LDLRAD3: variants seen among roughly 807,000 people sequenced by gnomAD.
LDLRAD3 encodes the protein low density lipoprotein receptor class A domain containing 3.
LDLRAD3 carries 20 observed loss-of-function variants against 29.4 expected under a neutral mutation model. The ratio of observed to expected loss-of-function variants is 0.68; its 90% CI spans 0.48 to 0.99. The LOEUF (loss-of-function observed/expected upper bound fraction) is 0.99. Ranked by LOEUF, LDLRAD3 falls within the 50% of genes least tolerant of loss-of-function variation. LDLRAD3 has a pLI of 0.00. For synonymous variants in LDLRAD3, 157 were observed against 192.7 expected, an observed-to-expected ratio of 0.81 and a Z score of 1.53; for missense variants, 420 against 454.3, an observed-to-expected ratio of 0.92 and a Z score of 0.69.
intron 1 of LDLRAD3, among the ~76,000 whole-genome samples, chr11:35,984,001 T>A (rs571368042): frequency 6.6e-6 from 1 of 152,324 alleles, no homozygotes; most frequent in East Asian, 1.9e-4. Flanking sequence ...AGAAAAAGTT[T>A]GCTAATGATG....
intron 1 of LDLRAD3, among the ~76,000 whole-genome samples, chr11:35,952,347 G>A (rs371220389): frequency 1.4e-4 from 22 of 152,246 alleles, no homozygotes; most frequent in African/African-American, 5.3e-4. Flanking sequence ...GCATTGCATA[G>A]GGATGTCAAT....
chr11:36,145,775 G>C (rs1240885841), intron 4 of LDLRAD3, among the ~76,000 whole-genome samples: 1 of 150,922 alleles, frequency 6.6e-6, no homozygotes, highest in Non-Finnish European at 1.5e-5. Context: ...GGTGGTGCAA[G>C]ATGTGCTTTG....
At chr11:36,163,192 C>T (rs1174499526) in intron 4 of LDLRAD3, 1 of 152,272 alleles carries the variant, frequency 6.6e-6, no homozygotes, top group Non-Finnish European at 1.5e-5. Flanking sequence ...TGGTTGATTT[C>T]CAACACAGGC....
intron 2 of LDLRAD3, among the ~76,000 whole-genome samples, chr11:36,052,893 T>G (rs1345940227): frequency 2.0e-5 from 3 of 151,910 alleles, no homozygotes; most frequent in African/African-American, 7.3e-5. Flanking sequence ...GAAGCTGATG[T>G]GTGAAGGGTC....
In LDLRAD3 at chr11:35,950,939, C is replaced by T. The variant is rs369142510; in HGVS notation, c.46+6795C>T. 1.5e-4 allele frequency among the ~76,000 whole-genome samples: 23 copies of T among 152,014 alleles called. No homozygotes were observed. The East Asian group carries it at 3.9e-3, about 26-fold the overall frequency. ...TCTTCTAAAAATGCAAAACGTTAGC[C>T]GGGAGTGGTGGCACGCACCTGTAAT... is the stretch of plus-strand genomic sequence containing the variant. On this transcript the variant is annotated intron_variant, in intron 1 of 5. Transcript: ENST00000315571.
At chr11:36,121,028 C>T (rs1250680023) in intron 4 of LDLRAD3, among the ~76,000 whole-genome samples, 2 of 152,160 alleles carry the variant, frequency 1.3e-5, no homozygotes, top group Admixed American at 1.3e-4. Context: ...TTGTTGTTCA[C>T]CTGGTCCATG....
At chr11:36,122,991 C>T (rs950606779) in intron 4 of LDLRAD3, among the ~76,000 whole-genome samples, 9 of 152,022 alleles carry the variant, frequency 5.9e-5, no homozygotes, top group African/African-American at 2.2e-4. Context: ...GCCTGGGCCA[C>T]GCAGTGAGAC....
chr11:36,120,301 TATAACAC>T (rs925284806), intron 4 of LDLRAD3, among the ~76,000 whole-genome samples: 1 of 152,166 alleles, frequency 6.6e-6, no homozygotes, highest in African/African-American at 2.4e-5. Context: ...TGAGTGACCT[TATAACAC>T]CACACACGTC....
chr11:36,226,727 T>A lies in LDLRAD3; in HGVS notation c.455-358T>A, dbSNP rs186545215. Among the ~76,000 whole-genome samples, 29 of 152,344 alleles carry A rather than the reference T, an allele frequency of 1.9e-4. No individual in the cohort carries two copies. The East Asian group carries it at 5.4e-3, about 28-fold the overall frequency. On this transcript the variant is annotated intron_variant, in intron 4 of 5. Coordinates refer to ENST00000315571, the MANE Select transcript of LDLRAD3 (RefSeq NM_174902.4). The stretch of plus-strand genomic sequence containing the variant: ...CCACTCCAGGCAACCACTAATCTAC[T>A]TTCTGTCTCTGTAAAATTGCCTTTC...
At chr11:36,111,797 G>A (rs1363505337) in intron 4 of LDLRAD3, among the ~76,000 whole-genome samples, 2 of 152,184 alleles carry the variant, frequency 1.3e-5, no homozygotes, top group African/African-American at 4.8e-5. Context: ...ATGGGGTTTC[G>A]CCATCTTGGC....
intron 4 of LDLRAD3, chr11:36,196,549 T>C (rs1855035963): frequency 6.6e-6 from 1 of 152,246 alleles, no homozygotes; most frequent in Non-Finnish European, 1.5e-5. Context: ...TTGAAATGAA[T>C]GGAGCAGTCT....
intron 4 of LDLRAD3, among the ~76,000 whole-genome samples, chr11:36,175,478 C>T (rs925685482): frequency 2.6e-5 from 4 of 152,106 alleles, no homozygotes; most frequent in Admixed American, 6.6e-5. Context: ...GCACTGCTTT[C>T]GTTGTATCCC....
intron 4 of LDLRAD3, among the ~76,000 whole-genome samples, chr11:36,226,615 A>G (rs985284461): frequency 1.3e-5 from 2 of 152,228 alleles, no homozygotes; most frequent in African/African-American, 4.8e-5. Flanking sequence ...AATTTGTGCA[A>G]CCATCACCAT....
intron 4 of LDLRAD3, among the ~76,000 whole-genome samples, chr11:36,139,473 T>C (rs1032047158): frequency 6.6e-6 from 1 of 152,218 alleles, no homozygotes; most frequent in East Asian, 1.9e-4. Flanking sequence ...GTTTGCTGTA[T>C]TGATTTTTAA....
chr11:36,105,064 T>C (rs918855338), intron 4 of LDLRAD3, among the ~76,000 whole-genome samples: 4 of 152,140 alleles, frequency 2.6e-5, no homozygotes, highest in African/African-American at 7.2e-5. Context: ...GGAGAGTTAA[T>C]TAAGTGTTTT....
At chr11:36,200,757 A>G (rs945452863) in intron 4 of LDLRAD3, among the ~76,000 whole-genome samples, 1 of 152,166 alleles carries the variant, frequency 6.6e-6, no homozygotes, top group Non-Finnish European at 1.5e-5. Flanking sequence ...ATGGTGCTCA[A>G]CCCATGGGCT....
chr11:36,063,889 A>C (rs531821281), intron 2 of LDLRAD3, among the ~76,000 whole-genome samples: 415 of 152,330 alleles, frequency 2.7e-3, no homozygotes, highest in Non-Finnish European at 5.0e-3. Context: ...GGTTTTGGCT[A>C]TTCAGAGTCC....
At chr11:36,047,904 T>C (rs1852474257) in intron 2 of LDLRAD3, among the ~76,000 whole-genome samples, 1 of 152,210 alleles carries the variant, frequency 6.6e-6, no homozygotes, top group Non-Finnish European at 1.5e-5. Context: ...GCTCTGCCCC[T>C]AGCTAGTCAC....
At chr11:36,040,110 G>A (rs775345458) in intron 2 of LDLRAD3, among the ~76,000 whole-genome samples, 2 of 152,090 alleles carry the variant, frequency 1.3e-5, no homozygotes, top group East Asian at 3.9e-4. Context: ...TTCTCGCCTC[G>A]GAGAGGTGAT....
Sources: allele counts gnomAD v4.1 joint callset (sites outside exome capture counted in the v4.1 genomes callset), GRCh38; gene constraint gnomAD v4.1.1; transcripts MANE v1.5; gene names NCBI Gene and HGNC (gene_info 2026-07-23, HGNC 2026-07-21).